CELA1: variants seen among roughly 807,000 people sequenced by gnomAD.
The protein encoded by CELA1 is chymotrypsin-like elastase family member 1.
A neutral mutation model predicts 34.8 loss-of-function variants in CELA1; 28 were observed. The ratio of observed to expected loss-of-function variants is 0.80; its 90% confidence interval spans 0.60 to 1.10. The LOEUF (loss-of-function observed/expected upper bound fraction) is 1.10, where lower values mean the gene tolerates loss of function less well. CELA1 is among the 50% of genes least tolerant of loss of function. CELA1 has a pLI of 0.00. For synonymous variants in CELA1, 140 were observed against 129.8 expected (o/e 1.08, Z -0.53); for missense variants, 288 against 327.5 (o/e 0.88, Z 0.93).
chr12:51,338,303 CATATAT>C lies in CELA1; in HGVS notation c.609+1551_609+1556del, dbSNP rs56698369. On this transcript the variant is annotated intron_variant, in intron 6 of 7. Transcript: ENST00000293636. ...ACACACACACATACACATACGCATACATATATATATATATATATAGAAATCAAAATG... is the reference window on the plus strand; with the variant it reads ...ACACACACACATACACATACGCATACATATATATATATAGAAATCAAAATG... 9.1e-5 allele frequency among the ~76,000 whole-genome samples: 13 copies of C among 142,156 alleles called. No individual in the cohort carries two copies. In the East Asian group the frequency reaches 2.1e-3, roughly 23 times the overall value. The allele number at this position is 142,156 out of a possible 152,430, so 93.3% of individuals were successfully genotyped here. A position where few individuals can be genotyped will look rare whatever the true frequency, so the allele number is the denominator to read the frequency against.
intron 3 of CELA1, among the ~76,000 whole-genome samples, chr12:51,343,258 G>A (rs17860304): frequency 0.028 from 4,216 of 152,150 alleles, 221 homozygotes; most frequent in African/African-American, 0.096. Flanking sequence ...GCATCACCTG[G>A]AAACTTGTTA....
intron 2 of CELA1, 144 bp from the exon 3 acceptor site, chr12:51,343,997 C>T: frequency 1.6e-6 from 1 of 616,634 alleles, no homozygotes; most frequent in Non-Finnish European, 2.9e-6. Flanking sequence ...GAGCTGGAGA[C>T]CAGCCTGGGC....
chr12:51,341,857 TCAC>T (rs2137482528), intron 4 of CELA1, among the ~76,000 whole-genome samples: 1 of 152,260 alleles, frequency 6.6e-6, no homozygotes, highest in East Asian at 1.9e-4. Context: ...CGTGTAAGAT[TCAC>T]TTTAGGAAAT....
chr12:51,332,582 G>C (rs1165539362), intron 6 of CELA1, among the ~76,000 whole-genome samples: 1 of 151,950 alleles, frequency 6.6e-6, no homozygotes, highest in Non-Finnish European at 1.5e-5. Context: ...GTAAAACTTG[G>C]GGCCAGGTGT....
Position 51,345,863 on chromosome 12 carries a change from C to A in CELA1, c.31G>T (p.Asp11Tyr). 1.3e-6 allele frequency: 2 copies of A among 1,558,574 alleles called. No individual in the cohort carries two copies. The highest frequency in any genetic ancestry group is 1.2e-5 in the South Asian group (1 of 84,496). Reference protein sequence around the residue: MLVLYGHSTQDLPETNARVVG... With the variant: MLVLYGHSTQYLPETNARVVG... Reference sequence around the variant, plus strand: ...ACGCGGGCATTGGTTTCCGGAAGGTCCTGGGTGCTGTGTCCTTTGTGGGGC... The same window carrying A: ...ACGCGGGCATTGGTTTCCGGAAGGTACTGGGTGCTGTGTCCTTTGTGGGGC... The change falls in exon 2 of 8, where the codon GAC becomes TAC. Residue 11 changes from aspartate (D) to tyrosine (Y), a missense_variant. Transcript: ENST00000293636.
chr12:51,345,884 G>C lies in CELA1; in HGVS notation c.17-7C>G. On this transcript the variant is annotated splice_region_variant and splice_polypyrimidine_tract_variant and intron_variant, in intron 1 of 7. Transcript: ENST00000293636. ...AGGTCCTGGGTGCTGTGTCCTTTGTGGGGCAGAAGAAAAGTGAGTGATGAC... is the reference window on the plus strand; with the variant it reads ...AGGTCCTGGGTGCTGTGTCCTTTGTCGGGCAGAAGAAAAGTGAGTGATGAC... 3 of 1,554,390 alleles carry C rather than the reference G, an allele frequency of 1.9e-6. No individual in the cohort carries two copies. Among genetic ancestry groups the C allele is most frequent in the Non-Finnish European group, 2.6e-6 (3 of 1,147,812 alleles).
At chr12:51,330,629 C>T (rs1464745886) in intron 6 of CELA1, among the ~76,000 whole-genome samples, 1 of 152,120 alleles carries the variant, frequency 6.6e-6, no homozygotes, top group East Asian at 1.9e-4. Context: ...AAAAATACCA[C>T]CCCCACTCTG....
At chr12:51,337,607 AGTGAAAT>A (rs2137479059) in intron 6 of CELA1, among the ~76,000 whole-genome samples, 1 of 149,598 alleles carries the variant, frequency 6.7e-6, no homozygotes, top group South Asian at 2.1e-4. Flanking sequence ...ACTGTGTTCC[AGTGAAAT>A]GTTATTTATG....
intron 5 of CELA1, among the ~76,000 whole-genome samples, chr12:51,340,597 C>T (rs1946527574): frequency 6.6e-6 from 1 of 152,050 alleles, no homozygotes; most frequent in Non-Finnish European, 1.5e-5. Flanking sequence ...CCATGTTGGT[C>T]AGGCTTAAGC....
intron 2 of CELA1, among the ~76,000 whole-genome samples, chr12:51,344,450 T>A (rs1239405650): frequency 6.6e-6 from 1 of 152,192 alleles, no homozygotes; most frequent in Non-Finnish European, 1.5e-5. Context: ...CCTAGCACAT[T>A]GGGAGGCCAA....
intron 5 of CELA1, among the ~76,000 whole-genome samples, chr12:51,340,423 CTT>C (rs1946526760): frequency 7.8e-6 from 1 of 128,446 alleles, no homozygotes; most frequent in Non-Finnish European, 1.6e-5. Context: ...GAGTTTCACT[CTT>C]GTTGCCCAGG....
intron 5 of CELA1, 107 bp from the exon 6 acceptor site, chr12:51,340,112 G>C (rs1260043907): frequency 9.2e-6 from 9 of 973,332 alleles, no homozygotes; most frequent in East Asian, 2.7e-5. Flanking sequence ...TGAGCTCAGG[G>C]CAAACTCCTT....
chr12:51,332,362 A>G (rs1203570115), intron 6 of CELA1, among the ~76,000 whole-genome samples: 4 of 151,530 alleles, frequency 2.6e-5, no homozygotes, highest in Non-Finnish European at 4.4e-5. Context: ...GAGGGCAGGT[A>G]TGTATATATA....
intron 5 of CELA1, among the ~76,000 whole-genome samples, chr12:51,340,455 T>TCTCGGCTCAC (rs1379466109): frequency 6.8e-6 from 1 of 146,050 alleles, no homozygotes; most frequent in Non-Finnish European, 1.5e-5. Context: ...AATGGAGCAA[T>TCTCGGCTCAC]CTCGGCTCAC....
In CELA1 at chr12:51,342,695, T is replaced by A; in HGVS notation, c.206A>T (p.Lys69Met). 4.3e-6 allele frequency: 7 copies of A among 1,614,108 alleles called. No individual in the cohort carries two copies. The highest frequency in any genetic ancestry group is 5.9e-6 in the Non-Finnish European group (7 of 1,179,962). The change falls in exon 4 of 8, where the codon AAG becomes ATG. Residue 69 changes from lysine (K) to methionine (M), a missense_variant. Physicochemically the swap from Lys to Met is moderately conservative, Grantham distance 95. Transcript: ENST00000293636. ...MTAAHCVDYQKTFRVVAGDHN... is the reference protein window; with the variant it reads ...MTAAHCVDYQMTFRVVAGDHN... ...GTCTCCAGCCACCACGCGGAAAGTC[T>A]TCTGGCTGGCGTGAGAGAAGGAATC...
chr12:51,346,630 G>C lies in CELA1; in HGVS notation c.9C>G (p.Val3=), dbSNP rs1413243572. The part of the protein sequence containing the change: ML[V]LYGHSTQDLP... ...TGGACCATATCCACTTACCATAAAG[G>C]ACCAGCATGTTGCCGATGGAGTAGA... Residue 3 remains valine, a synonymous_variant, in exon 1 of 8, where the codon GTC becomes GTG. Transcript: ENST00000293636. 87 of 1,491,872 alleles carry C rather than the reference G, an allele frequency of 5.8e-5. No individual in the cohort carries two copies. In the African/African-American group the frequency reaches 1.6e-3, roughly 28 times the overall value. 92.4% of individuals were successfully genotyped at this position (1,491,872 alleles called of 1,614,324 possible).
intron 6 of CELA1, among the ~76,000 whole-genome samples, chr12:51,333,718 T>C (rs537913452): frequency 2.0e-4 from 31 of 152,302 alleles, no homozygotes; most frequent in Admixed American, 1.8e-3. Context: ...AAAGTGGAAC[T>C]ACCTGTACTC....
intron 6 of CELA1, among the ~76,000 whole-genome samples, chr12:51,330,862 C>T (rs911015323): frequency 6.8e-5 from 10 of 147,012 alleles, no homozygotes; most frequent in African/African-American, 2.3e-4. Context: ...CCCAGCTACT[C>T]GGGAGGCTGA....
Position 51,329,688 on chromosome 12 carries a change from T to C in CELA1, c.755A>G (p.Asn252Ser). The change falls in exon 7 of 8, where the codon AAT becomes AGT. Residue 252 changes from asparagine to serine, a missense_variant. Physicochemically the swap from Asn to Ser is conservative, Grantham distance 46. Coordinates refer to ENST00000293636, the MANE Select transcript of CELA1 (RefSeq NM_001971.6). ...CCATCATTTGAGAGGACTCACATTA[T>C]TTATCCAGGAGATGTAAGCAGAGAC... ...TQVSAYISWI[N>S]NVIASN The C allele has an allele frequency of 6.2e-7, 1 of 1,609,248 alleles. No individual in the cohort carries two copies. Among genetic ancestry groups the C allele is most frequent in the Non-Finnish European group, 8.5e-7 (1 of 1,178,192 alleles).
Sources: gnomAD v4.1 joint callset for allele counts (sites outside exome capture counted in the v4.1 genomes callset) on GRCh38, gnomAD v4.1.1 for gene constraint, MANE v1.5 for transcripts, NCBI Gene and HGNC (gene_info 2026-07-23, HGNC 2026-07-21) for gene names.